CNGA1: variants seen among roughly 807,000 people sequenced by gnomAD.
CNGA1 encodes the protein cyclic nucleotide gated channel subunit alpha 1, also known as cyclic nucleotide-gated channel alpha-1.
In CNGA1, 53 loss-of-function variants were observed where a neutral mutation model predicts 69.7. The observed-to-expected ratio is 0.76, with a 90% CI of 0.61 to 0.96. The LOEUF is 0.96. CNGA1 is among the 40% of genes least tolerant of loss of function. The pLI is 0.00. For synonymous variants in CNGA1, 249 were observed against 283.5 expected (o/e 0.88, Z 1.22); for missense variants, 739 against 811.2 (o/e 0.91, Z 1.08).
intron 10 of CNGA1, among the ~76,000 whole-genome samples, chr4:47,940,417 T>C (rs1739003745): frequency 6.6e-6 from 1 of 152,230 alleles, no homozygotes; most frequent in South Asian, 2.1e-4. Context: ...ATGACATTTT[T>C]CCCCACGACT....
Position 47,942,049 on chromosome 4 carries a change from A to C in CNGA1, c.537T>G (p.Val179=), listed in dbSNP as rs369619866. ...TLPVMYNWTM[V]IARACFDELQ... is the part of the protein sequence containing the mutation. ...AAAAAAATTATAGACACCTGGCAAT[A>C]ACCATTGTCCAGTTGTACATAACAG... is the stretch of plus-strand genomic sequence containing the variant. The change falls in exon 9 of 11, where the codon GTT becomes GTG. Residue 179 remains valine, a synonymous_variant. Transcript: ENST00000514170. 2 of 1,605,490 alleles carry C rather than the reference A, an allele frequency of 1.2e-6. No individual in the cohort carries two copies. The highest frequency in any genetic ancestry group is 2.7e-5 in the African/African-American group (2 of 74,734).
chr4:47,990,974 T>C (rs1742238678), intron 2 of CNGA1, among the ~76,000 whole-genome samples: 1 of 152,214 alleles, frequency 6.6e-6, no homozygotes, highest in African/African-American at 2.4e-5. Flanking sequence ...ATGTCATTAA[T>C]TCATTCCTTT....
rs1399336609 is a variant in CNGA1, at chr4:47,951,355, C to T, written c.222G>A (p.Gln74=). Reference sequence around the variant, plus strand: ...AAGGGATGGATCATACTGCTCACCTCTGTGATGGTCCTCCCTTTCTGAGTG... The same window carrying T: ...AAGGGATGGATCATACTGCTCACCTTTGTGATGGTCCTCCCTTTCTGAGTG... The part of the protein sequence containing the change: ...YKSLRKGGPS[Q]REQYLPGAIA... The change falls in exon 5 of 11, where the codon CAG becomes CAA. Residue 74 remains glutamine, a splice_region_variant and synonymous_variant. Transcript: ENST00000514170. The T allele has an allele frequency of 1.3e-6, 2 of 1,588,166 alleles. No individual in the cohort carries two copies. The highest frequency in any genetic ancestry group is 3.3e-5 in the Admixed American group (2 of 59,980).
chr4:47,983,837 A>C (rs1021923216), intron 2 of CNGA1, among the ~76,000 whole-genome samples: 1 of 152,190 alleles, frequency 6.6e-6, no homozygotes, highest in Non-Finnish European at 1.5e-5. Flanking sequence ...TGAAGAAGAA[A>C]ATGAAGGCTG....
At chr4:47,938,889 T>C (rs923112013) in intron 10 of CNGA1, among the ~76,000 whole-genome samples, 2 of 147,902 alleles carry the variant, frequency 1.4e-5, no homozygotes, top group African/African-American at 5.0e-5. Context: ...CCAGCTTAAG[T>C]CTCTATGATA....
At position 47,937,099 on chromosome 4, in the gene CNGA1, A is replaced by C; in HGVS notation, c.1383T>G (p.Ile461Met). 6.2e-7 allele frequency: 1 copy of C among 1,614,204 alleles called. No homozygotes were observed. Among genetic ancestry groups the C allele is most frequent in the East Asian group, 2.2e-5 (1 of 44,892 alleles). ...KYLPDKLRAE[I>M]AINVHLDTLK... ...ATGTGTCTAAGTGAACGTTGATGGC[A>C]ATTTCTGCTCTTAGTTTATCAGGTA... Residue 461 changes from isoleucine (I) to methionine (M), a missense_variant, in exon 11 of 11, where the codon ATT becomes ATG. Coordinates refer to ENST00000514170, the MANE Select transcript of CNGA1 (RefSeq NM_001379270.1).
chr4:48,006,775 C>A (rs1355864166), intron 2 of CNGA1, among the ~76,000 whole-genome samples: 2 of 152,072 alleles, frequency 1.3e-5, no homozygotes, highest in African/African-American at 4.8e-5. Flanking sequence ...GTGTGTGCCA[C>A]CATGCCCAGC....
intron 2 of CNGA1, among the ~76,000 whole-genome samples, chr4:47,990,973 A>T (rs1233504645): frequency 6.6e-6 from 1 of 152,186 alleles, no homozygotes. Context: ...AATGTCATTA[A>T]TTCATTCCTT....
At chr4:47,975,334 G>A (rs919604782) in intron 3 of CNGA1, among the ~76,000 whole-genome samples, 1 of 152,118 alleles carries the variant, frequency 6.6e-6, no homozygotes, top group African/African-American at 2.4e-5. Context: ...TGTTATCAAC[G>A]TATAAAGAAA....
At chr4:47,984,396 T>A (rs1560305553) in intron 2 of CNGA1, among the ~76,000 whole-genome samples, 1 of 152,004 alleles carries the variant, frequency 6.6e-6, no homozygotes, top group Non-Finnish European at 1.5e-5. Flanking sequence ...GGCAGGTGGA[T>A]CACACAAGGT....
chr4:47,973,090 G>A (rs1741131619), intron 3 of CNGA1, among the ~76,000 whole-genome samples: 1 of 125,382 alleles, frequency 8.0e-6, no homozygotes, highest in African/African-American at 3.1e-5. Context: ...TTTTTTGAGA[G>A]GGAGTCTTGC....
intron 6 of CNGA1, among the ~76,000 whole-genome samples, chr4:47,949,352 TCCAGGGATCC>T (rs1044027963): frequency 2.0e-5 from 3 of 152,196 alleles, no homozygotes; most frequent in Non-Finnish European, 4.4e-5. Flanking sequence ...TCATCCCTGC[TCCAGGGATCC>T]CCAGAGAATC....
At chr4:47,995,009 T>C (rs1176076087) in intron 2 of CNGA1, among the ~76,000 whole-genome samples, 1 of 152,186 alleles carries the variant, frequency 6.6e-6, no homozygotes, top group Non-Finnish European at 1.5e-5. Context: ...ATAGATAGAA[T>C]CCCTTCTAGC....
intron 2 of CNGA1, among the ~76,000 whole-genome samples, chr4:47,994,749 A>T (rs1185276064): frequency 6.6e-6 from 1 of 151,760 alleles, no homozygotes; most frequent in Non-Finnish European, 1.5e-5. Context: ...TTTGTTTTTT[A>T]AATTGTATTT....
At chr4:47,993,070 A>T (rs954877937) in intron 2 of CNGA1, among the ~76,000 whole-genome samples, 5 of 152,038 alleles carry the variant, frequency 3.3e-5, no homozygotes, top group Non-Finnish European at 4.4e-5. Flanking sequence ...TATCTTTTTC[A>T]TATGTTGTTG....
chr4:47,980,323 G>A (rs1741630893), intron 3 of CNGA1, among the ~76,000 whole-genome samples: 1 of 152,050 alleles, frequency 6.6e-6, no homozygotes, highest in South Asian at 2.1e-4. Flanking sequence ...TTAAAATCTT[G>A]TTTTAAGACT....
intron 6 of CNGA1, among the ~76,000 whole-genome samples, chr4:47,946,761 C>G (rs1578071956): frequency 8.0e-6 from 1 of 125,054 alleles, no homozygotes; most frequent in East Asian, 2.4e-4. Flanking sequence ...GGCTCAGTAC[C>G]CTTCGTCTTT....
chr4:47,990,817 G>A (rs563372438), intron 2 of CNGA1, among the ~76,000 whole-genome samples: 3 of 152,142 alleles, frequency 2.0e-5, no homozygotes, highest in East Asian at 3.9e-4. Context: ...TGAAATATGG[G>A]GGCTGGTTCC....
intron 8 of CNGA1, chr4:47,942,873 C>A: frequency 4.7e-6 from 1 of 213,674 alleles, no homozygotes; most frequent in South Asian, 1.1e-4. Flanking sequence ...TCCTTGGAAC[C>A]TAAATATTTC....
Sources: allele counts gnomAD v4.1 joint callset (sites outside exome capture counted in the v4.1 genomes callset), GRCh38; gene constraint gnomAD v4.1.1; transcripts MANE v1.5; gene names NCBI Gene and HGNC (gene_info 2026-07-23, HGNC 2026-07-21).